The following B3GNT5 variants were observed in gnomAD, a reference collection of about 807,000 sequenced individuals.
B3GNT5 encodes the protein lactosylceramide 1,3-N-acetyl-beta-D-glucosaminyltransferase.
In B3GNT5, 11 loss-of-function variants were observed where a neutral mutation model predicts 25.9. The observed-to-expected ratio is 0.42, with a 90% CI of 0.27 to 0.70. The LOEUF is 0.70. Ranked by LOEUF, B3GNT5 falls within the 30% of genes least tolerant of loss-of-function variation. The pLI, the probability that B3GNT5 is intolerant of heterozygous loss-of-function variation, is 0.23. For missense variants in B3GNT5, 385 were observed against 458.4 expected, an observed-to-expected ratio of 0.84 and a Z score of 1.46; for synonymous variants, 166 against 158.6, an observed-to-expected ratio of 1.05 and a Z score of -0.35.
intron 1 of B3GNT5, among the ~76,000 whole-genome samples, chr3:183,261,798 T>C (rs1725609854): frequency 6.6e-6 from 1 of 151,870 alleles, no homozygotes; most frequent in Non-Finnish European, 1.5e-5. Flanking sequence ...CCTTCTTATA[T>C]AGAATTTCTG....
rs768307976 is a variant in B3GNT5, at chr3:183,270,336, A to G, written c.538A>G (p.Asn180Asp). 6.2e-7 allele frequency: 1 copy of G among 1,614,182 alleles called. No homozygotes were observed. The highest frequency in any genetic ancestry group is 1.1e-5 in the South Asian group (1 of 91,078). The part of the protein sequence containing the change: ...LKLLMQFSWA[N>D]TYCPHAKFLM... ...ATTACTTATGCAGTTCAGTTGGGCA[A>G]ATACCTATTGTCCACATGCCAAATT... Residue 180 changes from asparagine to aspartate, a missense_variant, in exon 2 of 2, where the codon AAT (asparagine) becomes GAT (aspartate). Physicochemically the swap from Asn to Asp is conservative, Grantham distance 23. Coordinates refer to ENST00000326505, the MANE Select transcript of B3GNT5 (RefSeq NM_032047.5). This position sits in a 1 kb window ranked among gnomAD's most constrained non-coding sequence, Gnocchi z 4.5.
At chr3:183,265,264 T>C (rs756303153) in intron 1 of B3GNT5, 9 of 152,226 alleles carry the variant, frequency 5.9e-5, no homozygotes, top group Non-Finnish European at 1.2e-4. Flanking sequence ...AGTCTGTTGA[T>C]TGGCCACTGA....
Position 183,269,230 on chromosome 3 carries a change from C to CTTTTTTTTTTTT in B3GNT5, c.-301-261_-301-250dup, listed in dbSNP as rs60835895. On this transcript the variant is annotated intron_variant, in intron 1 of 1. Transcript: ENST00000326505. ...TACACGATTATAGCCGTTTGGGAAG[C>CTTTTTTTTTTTT]TTTTTTTTTTTTTTTTTTAAGAGTA... Among the ~76,000 whole-genome samples, 7 of 81,004 alleles carry CTTTTTTTTTTTT rather than the reference C, an allele frequency of 8.6e-5. 1 individual carries two copies. Among genetic ancestry groups the CTTTTTTTTTTTT allele is most frequent in the African/African-American group, 3.2e-4 (5 of 15,758 alleles). The allele number at this position is 81,004 out of a possible 152,430, so 53.1% of individuals were successfully genotyped here. A position where few individuals can be genotyped will look rare whatever the true frequency, so the allele number is the denominator to read the frequency against.
rs1310066577 is a variant in B3GNT5 at position 183,272,466 on chromosome 3, A to AATG, written c.*1537_*1539dup. On this transcript the variant is annotated 3_prime_UTR_variant, in exon 2 of 2. Transcript: ENST00000326505. Reference sequence around the variant, plus strand: ...AAAGATTTCTCAGTATACACAACTGAATGATGATACTTACAATTTTTAGCA... The same window carrying AATG: ...AAAGATTTCTCAGTATACACAACTGAATGATGATGATACTTACAATTTTTAGCA... 2.0e-6 allele frequency: 2 copies of AATG among 999,584 alleles called. No individual in the cohort carries two copies. Among genetic ancestry groups the AATG allele is most frequent in the African/African-American group, 3.5e-5 (2 of 57,228 alleles). The allele number at this position is 999,584 out of a possible 1,614,324, so 61.9% of individuals were successfully genotyped here. A position where few individuals can be genotyped will look rare whatever the true frequency, so the allele number is the denominator to read the frequency against.
intron 1 of B3GNT5, among the ~76,000 whole-genome samples, chr3:183,259,863 T>G (rs1287557756): frequency 6.6e-6 from 1 of 152,136 alleles, no homozygotes; most frequent in Non-Finnish European, 1.5e-5. Flanking sequence ...GAGGGAAAAC[T>G]GAAATGGAAG....
At position 183,257,882 on chromosome 3, in the gene B3GNT5, T is replaced by G. The variant is rs531252631; in HGVS notation, c.-302+4410T>G. On this transcript the variant is annotated intron_variant, in intron 1 of 1. Transcript: ENST00000326505. ...ATTTCCCCACTCAAGCCACAACTTTTTCTCTTATGTGCTTAAAAAAAATTC... is the reference window on the plus strand; with the variant it reads ...ATTTCCCCACTCAAGCCACAACTTTGTCTCTTATGTGCTTAAAAAAAATTC... Among the ~76,000 whole-genome samples the G allele has an allele frequency of 3.3e-4, 50 of 152,144 alleles. 1 individual carries two copies. The highest frequency in any genetic ancestry group is 6.2e-4 in the Non-Finnish European group (42 of 67,994).
Position 183,271,956 on chromosome 3 carries a change from T to C in B3GNT5, c.*1021T>C, listed in dbSNP as rs150155893. Reference sequence around the variant, plus strand: ...CCCACTCCTCCCCAACAAGGTCTTATAAACCACAGCACTTTGTTCCAAGTT... The same window carrying C: ...CCCACTCCTCCCCAACAAGGTCTTACAAACCACAGCACTTTGTTCCAAGTT... On this transcript the variant is annotated 3_prime_UTR_variant, in exon 2 of 2. Transcript: ENST00000326505. 5.0e-6 allele frequency: 1 copy of C among 199,504 alleles called. No individual in the cohort carries two copies. Among genetic ancestry groups the C allele is most frequent in the African/African-American group, 2.4e-5 (1 of 42,186 alleles). 12.4% of individuals were successfully genotyped at this position (199,504 alleles called of 1,614,324 possible). A position where few individuals can be genotyped will look rare whatever the true frequency, so the allele number is the denominator to read the frequency against.
Position 183,269,690 on chromosome 3 carries a change from A to G in B3GNT5, c.-109A>G. 2 of 958,514 alleles carry G rather than the reference A, an allele frequency of 2.1e-6. No individual in the cohort carries two copies. The highest frequency in any genetic ancestry group is 2.6e-5 in the East Asian group (1 of 38,808). The allele number at this position is 958,514 out of a possible 1,614,324, so 59.4% of individuals were successfully genotyped here. A position where few individuals can be genotyped will look rare whatever the true frequency, so the allele number is the denominator to read the frequency against. On this transcript the variant is annotated 5_prime_UTR_variant, in exon 2 of 2. Coordinates refer to ENST00000326505, the MANE Select transcript of B3GNT5 (RefSeq NM_032047.5). Reference sequence around the variant, plus strand: ...AAGAAGACTTCCATTTTTAATGACCAACATGTATTAAGATGGACACCTACT... The same window carrying G: ...AAGAAGACTTCCATTTTTAATGACCGACATGTATTAAGATGGACACCTACT...
intron 1 of B3GNT5, among the ~76,000 whole-genome samples, chr3:183,260,597 G>A (rs1030934133): frequency 2.0e-5 from 3 of 152,010 alleles, no homozygotes; most frequent in Non-Finnish European, 4.4e-5. Flanking sequence ...ATAATCCCAT[G>A]CCACCAGTCC....
chr3:183,256,845 C>T (rs979997984), intron 1 of B3GNT5, among the ~76,000 whole-genome samples: 8 of 122,224 alleles, frequency 6.5e-5, no homozygotes, highest in African/African-American at 1.7e-4. Context: ...ACAAGAATAA[C>T]GGAAGACCGT....
chr3:183,260,236 T>C (rs1725460604), intron 1 of B3GNT5, among the ~76,000 whole-genome samples: 1 of 152,164 alleles, frequency 6.6e-6, no homozygotes, highest in Non-Finnish European at 1.5e-5. Flanking sequence ...AAGGTTGTTG[T>C]AAGGCTTAAA....
chr3:183,273,274 T>A lies in B3GNT5; in HGVS notation c.*2339T>A. 1 of 343,848 alleles carries A rather than the reference T, an allele frequency of 2.9e-6. No individual in the cohort carries two copies. 21.3% of individuals were successfully genotyped at this position (343,848 alleles called of 1,614,324 possible). ...TTGCATCTTTTTTCCATATTGTTAATTTTATACCAAAATGTTAAATATTTG... is the reference window on the plus strand; with the variant it reads ...TTGCATCTTTTTTCCATATTGTTAAATTTATACCAAAATGTTAAATATTTG... On this transcript the variant is annotated 3_prime_UTR_variant, in exon 2 of 2. Transcript: ENST00000326505.
rs1032053428 is a variant in B3GNT5, at chr3:183,272,571, T to G, written c.*1636T>G. 9.1e-6 allele frequency: 9 copies of G among 992,570 alleles called. No homozygotes were observed. Among genetic ancestry groups the G allele is most frequent in the Non-Finnish European group, 1.1e-5 (9 of 823,156 alleles). 61.5% of individuals were successfully genotyped at this position (992,570 alleles called of 1,614,324 possible). A position where few individuals can be genotyped will look rare whatever the true frequency, so the allele number is the denominator to read the frequency against. On this transcript the variant is annotated 3_prime_UTR_variant, in exon 2 of 2. Transcript: ENST00000326505. Reference sequence around the variant, plus strand: ...GGCTTGTTTACATTGCTTAGATAATTTAGAATTTTTAACTAATGTCAAAAC... The same window carrying G: ...GGCTTGTTTACATTGCTTAGATAATGTAGAATTTTTAACTAATGTCAAAAC...
chr3:183,253,580 G>A (rs888026868), intron 1 of B3GNT5, 108 bp downstream of exon 1: 2 of 152,272 alleles, frequency 1.3e-5, no homozygotes, highest in South Asian at 4.1e-4. Context: ...TCCTTACTTT[G>A]TTACTGAGGC....
At chr3:183,258,641 AC>A (rs536630992) in intron 1 of B3GNT5, among the ~76,000 whole-genome samples, 9 of 149,940 alleles carry the variant, frequency 6.0e-5, no homozygotes, top group Admixed American at 2.0e-4. Context: ...CCAGGACACC[AC>A]CCCCCCGCCC....
At chr3:183,261,961 T>TAAAAA (rs59219335) in intron 1 of B3GNT5, among the ~76,000 whole-genome samples, 1 of 112,118 alleles carries the variant, frequency 8.9e-6, no homozygotes, top group African/African-American at 3.3e-5. Context: ...TGTCCAGCAT[T>TAAAAA]AAAAAAAAAA....
rs944094448 is a variant in B3GNT5, at chr3:183,272,253, C to T, written c.*1318C>T. On this transcript the variant is annotated 3_prime_UTR_variant, in exon 2 of 2. Transcript: ENST00000326505. ...AAAAATGTGGCTATAATACACACTA[C>T]CTCCCTTCACTACAGAAAGAACTAG... The T allele has an allele frequency of 8.0e-6, 8 of 1,000,182 alleles. No individual in the cohort carries two copies. Among genetic ancestry groups the T allele is most frequent in the Non-Finnish European group, 9.6e-6 (8 of 829,976 alleles). 62.0% of individuals were successfully genotyped at this position (1,000,182 alleles called of 1,614,324 possible). A position where few individuals can be genotyped will look rare whatever the true frequency, so the allele number is the denominator to read the frequency against.
chr3:183,269,230 C>CTTTTTTTTTT lies in B3GNT5; in HGVS notation c.-301-259_-301-250dup, dbSNP rs60835895. 2.7e-4 allele frequency among the ~76,000 whole-genome samples: 22 copies of CTTTTTTTTTT among 81,000 alleles called. 3 individuals carry two copies. Among genetic ancestry groups the CTTTTTTTTTT allele is most frequent in the African/African-American group, 3.8e-4 (6 of 15,760 alleles). The allele number at this position is 81,000 out of a possible 152,430, so 53.1% of individuals were successfully genotyped here. A position where few individuals can be genotyped will look rare whatever the true frequency, so the allele number is the denominator to read the frequency against. ...TACACGATTATAGCCGTTTGGGAAG[C>CTTTTTTTTTT]TTTTTTTTTTTTTTTTTTAAGAGTA... On this transcript the variant is annotated intron_variant, in intron 1 of 1. Coordinates refer to ENST00000326505, the MANE Select transcript of B3GNT5 (RefSeq NM_032047.5).
intron 1 of B3GNT5, among the ~76,000 whole-genome samples, chr3:183,259,921 G>C (rs1172066064): frequency 5.3e-5 from 8 of 152,144 alleles, no homozygotes; most frequent in Non-Finnish European, 1.2e-4. Context: ...AGTGCTAACA[G>C]AATGCAGCAA....
Sources: allele counts gnomAD v4.1 joint callset (sites outside exome capture counted in the v4.1 genomes callset), GRCh38; gene constraint gnomAD v4.1.1; non-coding constraint Gnocchi (gnomAD v3.1); transcripts MANE v1.5; gene names NCBI Gene and HGNC (gene_info 2026-07-23, HGNC 2026-07-21).